The following TRDN variants were observed in gnomAD, a reference collection of about 807,000 sequenced individuals.
TRDN encodes the protein triadin.
In TRDN, 161 loss-of-function variants were observed where a neutral mutation model predicts 149.7. That is an observed-to-expected ratio of 1.08 (90% CI 0.95 to 1.23). The LOEUF (loss-of-function observed/expected upper bound fraction) is 1.23, where lower values mean the gene tolerates loss of function less well. Ranked by LOEUF, TRDN falls within the 50% of genes most tolerant of loss-of-function variation. The pLI is 0.00. For missense variants in TRDN, 896 were observed against 823.5 expected (o/e 1.09, Z -1.08); for synonymous variants, 294 against 250.5 (o/e 1.17, Z -1.64).
intron 19 of TRDN, among the ~76,000 whole-genome samples, chr6:123,372,756 A>G (rs1781369458): frequency 6.6e-6 from 1 of 152,098 alleles, no homozygotes; most frequent in African/African-American, 2.4e-5. Context: ...GCCATGAAGC[A>G]CTCTACAGTC....
chr6:123,367,123 C>T (rs1284522285), intron 19 of TRDN, among the ~76,000 whole-genome samples: 1 of 152,052 alleles, frequency 6.6e-6, no homozygotes. Context: ...ATAATCTGAA[C>T]TGTTGGGGCT....
At chr6:123,594,416 A>G (rs979930010) in intron 1 of TRDN, among the ~76,000 whole-genome samples, 5 of 152,050 alleles carry the variant, frequency 3.3e-5, no homozygotes, top group African/African-American at 1.2e-4. Flanking sequence ...TCTGTGAAGG[A>G]TAGAGCTTTC....
At chr6:123,503,352 T>C (rs1219307271) in intron 8 of TRDN, 2 of 985,242 alleles carry the variant, frequency 2.0e-6, no homozygotes, top group African/African-American at 3.5e-5. Context: ...TGCTGTCATT[T>C]TGGGGGACCA....
chr6:123,530,744 T>C (rs1780205270), intron 4 of TRDN, among the ~76,000 whole-genome samples, 179 bp from the exon 5 acceptor site: 1 of 151,872 alleles, frequency 6.6e-6, no homozygotes, highest in African/African-American at 2.4e-5. Flanking sequence ...CACTTATTTA[T>C]TGAAATAAGG....
At chr6:123,383,018 A>T (rs1025441907) in intron 14 of TRDN, among the ~76,000 whole-genome samples, 1 of 152,092 alleles carries the variant, frequency 6.6e-6, no homozygotes, top group African/African-American at 2.4e-5. Flanking sequence ...ATAATGAACT[A>T]TGAATTGATA....
At chr6:123,292,658 G>A (rs914126522) in intron 24 of TRDN, among the ~76,000 whole-genome samples, 32 of 152,156 alleles carry the variant, frequency 2.1e-4, no homozygotes, top group Admixed American at 7.9e-4. Context: ...CTTATCAGGT[G>A]TCATTGAGTA....
In TRDN at chr6:123,378,268, C is replaced by G. The variant is rs963289509; in HGVS notation, c.1187-370G>C. ...TAGTAAGTACAAAAGATAATTATTA[C>G]AGCTTTTTAAGAAATTGCTTAGTTT... On this transcript the variant is annotated intron_variant, in intron 16 of 40. Transcript: ENST00000334268. Among the ~76,000 whole-genome samples, 3 of 152,208 alleles carry G rather than the reference C, an allele frequency of 2.0e-5. No homozygotes were observed. In the South Asian group the frequency reaches 6.2e-4, roughly 32 times the overall value.
chr6:123,343,138 C>T (rs1013258504), intron 21 of TRDN, among the ~76,000 whole-genome samples: 4 of 151,892 alleles, frequency 2.6e-5, no homozygotes, highest in South Asian at 2.1e-4. Flanking sequence ...AAGAAAATTA[C>T]GTATATTTAA....
intron 10 of TRDN, 106 bp from the exon 11 acceptor site, chr6:123,439,109 T>C (rs1774739679): frequency 7.7e-6 from 6 of 778,306 alleles, no homozygotes; most frequent in Non-Finnish European, 1.2e-5. Context: ...TCCAGCTAGC[T>C]TTGTGACTGA....
At chr6:123,574,474 G>T (rs1782730288) in intron 1 of TRDN, among the ~76,000 whole-genome samples, 1 of 151,962 alleles carries the variant, frequency 6.6e-6, no homozygotes, top group Non-Finnish European at 1.5e-5. Flanking sequence ...AATGATAGGA[G>T]TGCTTTGAAA....
chr6:123,579,063 T>C lies in TRDN; in HGVS notation c.23-7931A>G, dbSNP rs113056170. Reference sequence around the variant, plus strand: ...GGAGCTTTCAGGCCAAGACTATTGATATTTTTAAATATAGAATCATGTCAT... The same window carrying C: ...GGAGCTTTCAGGCCAAGACTATTGACATTTTTAAATATAGAATCATGTCAT... On this transcript the variant is annotated intron_variant, in intron 1 of 40. Coordinates refer to ENST00000334268, the MANE Select transcript of TRDN (RefSeq NM_006073.4). Among the ~76,000 whole-genome samples, 838 of 152,280 alleles carry C rather than the reference T, an allele frequency of 5.5e-3. 5 individuals carry two copies. The highest frequency in any genetic ancestry group is 0.019 in the African/African-American group (769 of 41,560).
At chr6:123,269,428 A>T (rs527509192) in intron 31 of TRDN, among the ~76,000 whole-genome samples, 26 of 152,158 alleles carry the variant, frequency 1.7e-4, no homozygotes, top group African/African-American at 6.0e-4. Flanking sequence ...TGACAATTGT[A>T]TATCATTTCA....
intron 21 of TRDN, among the ~76,000 whole-genome samples, chr6:123,345,590 C>T (rs1421918738): frequency 6.6e-6 from 1 of 151,962 alleles, no homozygotes; most frequent in Non-Finnish European, 1.5e-5. Flanking sequence ...TCAATAGCCA[C>T]AAGATAACTT....
intron 5 of TRDN, chr6:123,529,163 A>G: frequency 6.5e-7 from 1 of 1,540,784 alleles, no homozygotes; most frequent in South Asian, 1.2e-5. Flanking sequence ...AGTCTGCAAG[A>G]AAAAAACAGC....
At chr6:123,408,192 T>C (rs1293458887) in intron 12 of TRDN, among the ~76,000 whole-genome samples, 3 of 152,214 alleles carry the variant, frequency 2.0e-5, no homozygotes, top group Admixed American at 2.0e-4. Flanking sequence ...TTCAATACCA[T>C]GTGTTTAGTG....
intron 21 of TRDN, among the ~76,000 whole-genome samples, chr6:123,344,369 C>T (rs1399100963): frequency 6.6e-6 from 1 of 151,950 alleles, no homozygotes; most frequent in East Asian, 1.9e-4. Flanking sequence ...CACGTATCTG[C>T]CATTGTAGTT....
chr6:123,524,952 A>G (rs1779874049), intron 5 of TRDN, among the ~76,000 whole-genome samples: 1 of 152,112 alleles, frequency 6.6e-6, no homozygotes. Flanking sequence ...CAAACATGAA[A>G]AATTGCTTAA....
chr6:123,323,742 T>G (rs112501803), intron 23 of TRDN, among the ~76,000 whole-genome samples: 6 of 152,368 alleles, frequency 3.9e-5, no homozygotes, highest in African/African-American at 1.2e-4. Flanking sequence ...TGCCTTATTC[T>G]GTCATCATTT....
intron 37 of TRDN, among the ~76,000 whole-genome samples, chr6:123,254,459 A>G (rs1459015557): frequency 6.6e-6 from 1 of 152,030 alleles, no homozygotes; most frequent in Non-Finnish European, 1.5e-5. Flanking sequence ...TGTCTTAGTT[A>G]TGATATGTTT....
Sources: gnomAD v4.1 joint callset for allele counts (sites outside exome capture counted in the v4.1 genomes callset) on GRCh38, gnomAD v4.1.1 for gene constraint, MANE v1.5 for transcripts, NCBI Gene and HGNC (gene_info 2026-07-23, HGNC 2026-07-21) for gene names.